KCNK10: variants seen among roughly 807,000 people sequenced by gnomAD.
KCNK10 encodes the protein potassium two pore domain channel subfamily K member 10.
KCNK10 carries 25 observed loss-of-function variants against 47.7 expected under a neutral mutation model. That is an observed-to-expected ratio of 0.52 (90% confidence interval 0.38 to 0.73). The LOEUF (loss-of-function observed/expected upper bound fraction) is 0.73, where lower values mean the gene tolerates loss of function less well. Among genes scored for constraint, KCNK10 ranks in the 30% least tolerant of loss-of-function variants. KCNK10 has a pLI of 0.00. For synonymous variants in KCNK10, 303 were observed against 285.6 expected, an observed-to-expected ratio of 1.06 and a Z score of -0.61; for missense variants, 563 against 714.5, an observed-to-expected ratio of 0.79 and a Z score of 2.42.
At chr14:88,315,617 AC>A in intron 1 of KCNK10, among the ~76,000 whole-genome samples, 1 of 151,858 alleles carries the variant, frequency 6.6e-6, no homozygotes, top group African/African-American at 2.4e-5. Flanking sequence ...CACATAAGAA[AC>A]TCATTTTCTT....
intron 5 of KCNK10, 109 bp downstream of exon 5, chr14:88,192,115 C>T: frequency 9.8e-7 from 1 of 1,017,386 alleles, no homozygotes; most frequent in Non-Finnish European, 1.5e-6. Flanking sequence ...GACACTGAGT[C>T]ATCTTCATTT....
chr14:88,284,900 T>C (rs1397802326), intron 1 of KCNK10, among the ~76,000 whole-genome samples: 1 of 152,208 alleles, frequency 6.6e-6, no homozygotes, highest in African/African-American at 2.4e-5. Flanking sequence ...ATGGGTACGA[T>C]AAAGTAACTG....
intron 3 of KCNK10, among the ~76,000 whole-genome samples, chr14:88,239,344 A>T (rs1886385663): frequency 6.6e-6 from 1 of 152,238 alleles, no homozygotes; most frequent in Admixed American, 6.5e-5. Context: ...AAGTTCACTG[A>T]CTGCCTTATA....
intron 2 of KCNK10, among the ~76,000 whole-genome samples, chr14:88,262,874 C>T (rs1314130865): frequency 6.6e-6 from 1 of 152,080 alleles, no homozygotes; most frequent in Non-Finnish European, 1.5e-5. Flanking sequence ...GGGTTCTATC[C>T]CAGCATTCCA....
Position 88,182,531 on chromosome 14 carries a change from C to A in KCNK10, c.*3004G>T, listed in dbSNP as rs1243417724. 1.3e-5 allele frequency: 2 copies of A among 152,324 alleles called. No homozygotes were observed. The highest frequency in any genetic ancestry group is 2.9e-5 in the Non-Finnish European group (2 of 68,030). 9.4% of individuals were successfully genotyped at this position (152,324 alleles called of 1,614,324 possible). On this transcript the variant is annotated 3_prime_UTR_variant, in exon 7 of 7. Transcript: ENST00000319231. ...CTCTTATTCTCTCTCAGCATCTTTGCGAGAGTATTTCATAGGTTTCTAAAC... is the reference window on the plus strand; with the variant it reads ...CTCTTATTCTCTCTCAGCATCTTTGAGAGAGTATTTCATAGGTTTCTAAAC...
At position 88,186,166 on chromosome 14, in the gene KCNK10, G is replaced by C; in HGVS notation, c.1012-11C>G. 2.6e-6 allele frequency: 4 copies of C among 1,566,900 alleles called. No homozygotes were observed. Among genetic ancestry groups the C allele is most frequent in the Non-Finnish European group, 3.5e-6 (4 of 1,156,308 alleles). On this transcript the variant is annotated splice_polypyrimidine_tract_variant and intron_variant, in intron 6 of 6. Transcript: ENST00000319231. This position sits in a 1 kb window ranked among gnomAD's most constrained non-coding sequence, Gnocchi z 5.5. ...CTTGATTTCACCCACCTGGCCAAGAGACAGAAGAGCAACAATATGCTGACA... is the reference window on the plus strand; with the variant it reads ...CTTGATTTCACCCACCTGGCCAAGACACAGAAGAGCAACAATATGCTGACA...
At chr14:88,263,004 A>T (rs547116039) in intron 2 of KCNK10, among the ~76,000 whole-genome samples, 198 bp downstream of exon 2, 3 of 151,166 alleles carry the variant, frequency 2.0e-5, no homozygotes, top group Non-Finnish European at 4.4e-5. Flanking sequence ...CAGAACATGG[A>T]CCCTCCTTCC....
At chr14:88,235,714 G>T (rs1431015917) in intron 3 of KCNK10, among the ~76,000 whole-genome samples, 1 of 152,208 alleles carries the variant, frequency 6.6e-6, no homozygotes, top group South Asian at 2.1e-4. Flanking sequence ...AAGTAGAAGA[G>T]AAATGAGAGA....
At chr14:88,279,688 T>C (rs950063899) in intron 1 of KCNK10, among the ~76,000 whole-genome samples, 3 of 152,074 alleles carry the variant, frequency 2.0e-5, no homozygotes, top group Non-Finnish European at 4.4e-5. Context: ...AGCACAACCA[T>C]CCCCTACCCA....
chr14:88,303,284 G>A (rs553204446), intron 1 of KCNK10, among the ~76,000 whole-genome samples: 1 of 152,288 alleles, frequency 6.6e-6, no homozygotes, highest in East Asian at 1.9e-4. Flanking sequence ...TATTGTGTAA[G>A]TCACTTGTAT....
intron 1 of KCNK10, among the ~76,000 whole-genome samples, chr14:88,281,669 C>T (rs1887651704): frequency 1.3e-5 from 2 of 151,244 alleles, no homozygotes; most frequent in African/African-American, 4.9e-5. Flanking sequence ...GATCTTGGGA[C>T]CTGTCCATAA....
chr14:88,209,858 C>G (rs1280145696), intron 4 of KCNK10, among the ~76,000 whole-genome samples: 1 of 152,196 alleles, frequency 6.6e-6, no homozygotes, highest in Non-Finnish European at 1.5e-5. Flanking sequence ...TACTGAACAC[C>G]TCCAAAGCAC....
rs1884397371 is a variant in KCNK10 at position 88,182,319 on chromosome 14, TA to T, written c.*3215del. 1 of 152,328 alleles carries T rather than the reference TA, an allele frequency of 6.6e-6. No individual in the cohort carries two copies. Among genetic ancestry groups the T allele is most frequent in the African/African-American group, 2.4e-5 (1 of 41,444 alleles). 9.4% of individuals were successfully genotyped at this position (152,328 alleles called of 1,614,324 possible). On this transcript the variant is annotated 3_prime_UTR_variant, in exon 7 of 7. Transcript: ENST00000319231. ...GAAATCGAAACATTTCTCCTAGGTT[TA>T]TGCTGGAATGGGAGTGCAGATTGGA...
At position 88,204,043 on chromosome 14, in the gene KCNK10, T is replaced by C. The variant is rs372647676; in HGVS notation, c.682-11633A>G. Among the ~76,000 whole-genome samples the C allele has an allele frequency of 7.9e-5, 12 of 152,272 alleles. No individual in the cohort carries two copies. The South Asian group carries it at 2.5e-3, about 32-fold the overall frequency. ...TGGATTTCTTTGGACAAAGGATATT[T>C]ACAGGATTTTACTTTCTTCTTTGCA... On this transcript the variant is annotated intron_variant, in intron 4 of 6. Coordinates refer to ENST00000319231, the MANE Select transcript of KCNK10 (RefSeq NM_138317.3).
chr14:88,266,309 T>G (rs537064139), intron 1 of KCNK10, among the ~76,000 whole-genome samples: 2 of 152,332 alleles, frequency 1.3e-5, no homozygotes, highest in South Asian at 4.1e-4. Context: ...ACAGCAGTGC[T>G]CTGTTCACAC....
chr14:88,298,691 T>C (rs568860636), intron 1 of KCNK10, among the ~76,000 whole-genome samples: 3 of 152,354 alleles, frequency 2.0e-5, no homozygotes, highest in East Asian at 1.9e-4. Context: ...AGTTTCTCCC[T>C]AAGAGTATTT....
intron 4 of KCNK10, among the ~76,000 whole-genome samples, chr14:88,220,728 C>T (rs1048254809): frequency 2.0e-5 from 3 of 151,828 alleles, no homozygotes; most frequent in African/African-American, 7.3e-5. Flanking sequence ...GATCACATAC[C>T]TACATGTAAA....
At chr14:88,203,189 G>A (rs902686347) in intron 4 of KCNK10, among the ~76,000 whole-genome samples, 1 of 152,084 alleles carries the variant, frequency 6.6e-6, no homozygotes, top group African/African-American at 2.4e-5. Flanking sequence ...AGGGGCCACC[G>A]CCCTGTATAT....
chr14:88,297,954 G>T (rs1249898461), intron 1 of KCNK10, among the ~76,000 whole-genome samples: 1 of 152,162 alleles, frequency 6.6e-6, no homozygotes, highest in East Asian at 1.9e-4. Flanking sequence ...TCTCAAAGCT[G>T]CTCGTTATGC....
Sources: gnomAD v4.1 joint callset for allele counts (sites outside exome capture counted in the v4.1 genomes callset) on GRCh38, gnomAD v4.1.1 for gene constraint, Gnocchi (gnomAD v3.1) non-coding constraint, MANE v1.5 for transcripts, NCBI Gene and HGNC (gene_info 2026-07-23, HGNC 2026-07-21) for gene names.